The following BCOR variants were observed in gnomAD, a reference collection of about 807,000 sequenced individuals.
The protein encoded by BCOR is BCL6 corepressor, also known as BCL-6 corepressor.
BCOR carries 10 observed loss-of-function variants against 86.7 expected under a neutral mutation model. The ratio of observed to expected loss-of-function variants is 0.12; its 90% confidence interval spans 0.07 to 0.20. BCOR has a LOEUF of 0.20. Among genes scored for constraint, BCOR ranks in the 10% least tolerant of loss-of-function variants. BCOR has a pLI of 1.00. For missense variants in BCOR, 1,259 were observed against 1,452.1 expected (o/e 0.87, Z 2.16); for synonymous variants, 611 against 609.0 (o/e 1.00, Z -0.05).
chrX:40,110,552 T>C (rs1937282705), intron 1 of BCOR, among the ~76,000 whole-genome samples: 1 of 109,103 alleles, frequency 9.2e-6, no homozygotes, highest in Non-Finnish European at 1.9e-5. Flanking sequence ...AGGGAACTTC[T>C]GGAACTCTGA....
At chrX:40,116,293 C>T (rs1466219756) in intron 1 of BCOR, among the ~76,000 whole-genome samples, 1 of 110,946 alleles carries the variant, frequency 9.0e-6, no homozygotes, top group Non-Finnish European at 1.9e-5. Flanking sequence ...GTCAGGAGAT[C>T]GAGACCATCC....
At chrX:40,054,799 C>T (rs1203678924) in intron 12 of BCOR, among the ~76,000 whole-genome samples, 2 of 112,717 alleles carry the variant, frequency 1.8e-5, no homozygotes, top group East Asian at 2.8e-4. Context: ...CAACTGTGTC[C>T]GGCCTACTTA....
At chrX:40,092,077 G>A (rs1480159385) in intron 1 of BCOR, among the ~76,000 whole-genome samples, 1 of 112,494 alleles carries the variant, frequency 8.9e-6, no homozygotes, top group Non-Finnish European at 1.9e-5. Context: ...AGGGAGAAGG[G>A]TGGGGCGGGG....
intron 1 of BCOR, among the ~76,000 whole-genome samples, chrX:40,085,355 T>G (rs1431372602): frequency 8.9e-6 from 1 of 112,266 alleles, no homozygotes; most frequent in Non-Finnish European, 1.9e-5. Flanking sequence ...AGACTGCCAG[T>G]GTTTTGGCGT....
intron 1 of BCOR, among the ~76,000 whole-genome samples, chrX:40,119,578 G>A (rs915751531): frequency 4.5e-5 from 5 of 110,693 alleles, no homozygotes; most frequent in Non-Finnish European, 5.7e-5. Context: ...GGCTGAGGCC[G>A]CAGTGAGCTG....
chrX:40,075,167 G>T lies in BCOR; in HGVS notation c.179C>A (p.Thr60Lys). ...PLNHNVVDASTAHRIDGLAAL... is the reference protein window; with the variant it reads ...PLNHNVVDASKAHRIDGLAAL... ...TGCCAGGCCATCGATCCTATGGGCC[G>T]TGCTCGCATCCACCTTTGCAGAAGA... Residue 60 changes from threonine to lysine, a missense_variant, in exon 4 of 15, where the codon ACG becomes AAG. Transcript: ENST00000378444. The T allele has an allele frequency of 8.3e-7, 1 of 1,207,787 alleles. No homozygotes were observed. Among genetic ancestry groups the T allele is most frequent in the Non-Finnish European group, 1.1e-6 (1 of 893,909 alleles).
At chrX:40,075,309 C>T (rs1174418796) in intron 3 of BCOR, 129 bp from the exon 4 acceptor site, 2 of 237,214 alleles carry the variant, frequency 8.4e-6, no homozygotes, top group African/African-American at 3.2e-5. Context: ...AGACAGGCTT[C>T]CGGCGGGGCG....
chrX:40,175,755 G>A (rs1486340871), intron 1 of BCOR, among the ~76,000 whole-genome samples: 1 of 112,907 alleles, frequency 8.9e-6, no homozygotes, highest in Non-Finnish European at 1.9e-5. Flanking sequence ...CAGGGAAGAG[G>A]AACTAGCACC....
At chrX:40,153,992 C>T (rs889819402) in intron 1 of BCOR, among the ~76,000 whole-genome samples, 1 of 111,055 alleles carries the variant, frequency 9.0e-6, no homozygotes, top group Non-Finnish European at 1.9e-5. Context: ...ACCGAGGGCG[C>T]AAGAGCAGAT....
chrX:40,116,968 C>T (rs1365852402), intron 1 of BCOR, among the ~76,000 whole-genome samples: 2 of 111,472 alleles, frequency 1.8e-5, no homozygotes, highest in East Asian at 5.6e-4. Context: ...CAGTGGATGC[C>T]CCCATCGGTT....
intron 1 of BCOR, among the ~76,000 whole-genome samples, chrX:40,109,213 G>A (rs901840108): frequency 1.8e-5 from 2 of 112,390 alleles, no homozygotes; most frequent in African/African-American, 6.4e-5. Context: ...GGAACCGGGA[G>A]GGCAGGCGTC....
chrX:40,057,133 G>C, intron 11 of BCOR, 22 bp downstream of exon 11: 1 of 1,209,341 alleles, frequency 8.3e-7, no homozygotes, highest in Non-Finnish European at 1.1e-6. Flanking sequence ...GAGCCAGGCT[G>C]AGAACAAGAC....
At chrX:40,067,432 G>A (rs1409810642) in intron 6 of BCOR, among the ~76,000 whole-genome samples, 1 of 111,612 alleles carries the variant, frequency 9.0e-6, no homozygotes, top group East Asian at 2.8e-4. Flanking sequence ...AGGATAAGGG[G>A]TGCGAAACAC....
chrX:40,106,515 AT>A (rs1248042784), intron 1 of BCOR, among the ~76,000 whole-genome samples: 1 of 109,806 alleles, frequency 9.1e-6, no homozygotes, highest in Non-Finnish European at 1.9e-5. Context: ...ACACGGAAAC[AT>A]GGCGCAGCGC....
At position 40,073,294 on chromosome X, in the gene BCOR, A is replaced by C; in HGVS notation, c.2052T>G (p.Val684=). The C allele has an allele frequency of 8.3e-7, 1 of 1,210,049 alleles. No individual in the cohort carries two copies. The highest frequency in any genetic ancestry group is 1.1e-6 in the Non-Finnish European group (1 of 894,300). ...GAAACAGACTGCCATTGGGTAACAA[A>C]ACTGGGTGAGGGTAGACAGGTCCTT... ...HGKGPVYPHP[V]LLPNGSLFPG... Residue 684 remains valine (V), a synonymous_variant, in exon 4 of 15, where the codon GTT becomes GTG. Coordinates refer to ENST00000378444, the MANE Select transcript of BCOR (RefSeq NM_001123385.2).
chrX:40,127,912 A>T (rs58801555), intron 1 of BCOR, among the ~76,000 whole-genome samples: 67 of 106,560 alleles, frequency 6.3e-4, no homozygotes, highest in Middle Eastern at 4.8e-3. Context: ...AAATAAATTT[A>T]AAAAAAAAAG....
At chrX:40,070,883 A>G in intron 6 of BCOR, 90 bp downstream of exon 6, 1 of 925,909 alleles carries the variant, frequency 1.1e-6, no homozygotes, top group South Asian at 2.0e-5. Context: ...TCGGCCCTTC[A>G]TTCCATGCAT....
chrX:40,141,128 C>T (rs1310344307), intron 1 of BCOR, among the ~76,000 whole-genome samples: 1 of 112,412 alleles, frequency 8.9e-6, no homozygotes, highest in African/African-American at 3.2e-5. Context: ...AGCAGGGCTT[C>T]CTGGGGCTTG....
upstream of BCOR, among the ~76,000 whole-genome samples, chrX:40,098,301 C>T (rs762469226): frequency 1.5e-4 from 16 of 109,507 alleles, no homozygotes; most frequent in South Asian, 5.9e-3. Context: ...GGATCCGAAC[C>T]CCGGACCACT....
Sources: allele counts gnomAD v4.1 joint callset (sites outside exome capture counted in the v4.1 genomes callset), GRCh38; gene constraint gnomAD v4.1.1; transcripts MANE v1.5; gene names NCBI Gene and HGNC (gene_info 2026-07-23, HGNC 2026-07-21).